The following CFAP74 variants were observed in gnomAD, a reference collection of about 807,000 sequenced individuals.
CFAP74 encodes cilia and flagella associated protein 74.
Under a neutral mutation model 188.9 loss-of-function variants are expected in CFAP74, and 124 were observed. The ratio of observed to expected loss-of-function variants is 0.66; its 90% CI spans 0.57 to 0.76. The LOEUF is 0.76. CFAP74 is among the 30% of genes least tolerant of loss of function. CFAP74 has a pLI of 0.00. For missense variants in CFAP74, 2,198 were observed against 2,165.2 expected (o/e 1.02, Z -0.30); for synonymous variants, 956 against 916.7 (o/e 1.04, Z -0.77).
intron 22 of CFAP74, 28 bp downstream of exon 22, chr1:1,942,000 G>A: frequency 6.8e-7 from 1 of 1,470,718 alleles, no homozygotes; most frequent in South Asian, 1.4e-5. Context: ...ACGTCCTCCT[G>A]TCCCGGCCTT....
intron 18 of CFAP74, chr1:1,955,363 G>A: frequency 2.2e-6 from 3 of 1,341,566 alleles, no homozygotes; most frequent in Non-Finnish European, 2.9e-6. Flanking sequence ...CTAGACAGAA[G>A]CCCCCCGCAG....
rs1332414739 is a variant in CFAP74, at chr1:1,947,072, T to A, written c.2177-18A>T. 2.6e-6 allele frequency: 4 copies of A among 1,531,156 alleles called. No individual in the cohort carries two copies. The highest frequency in any genetic ancestry group is 2.0e-5 in the Admixed American group (1 of 50,984). 94.8% of individuals were successfully genotyped at this position (1,531,156 alleles called of 1,614,324 possible). On this transcript the variant is annotated intron_variant, in intron 18 of 38. Transcript: ENST00000682832. ...CTCTGGTTCTGGAAGAGAAGGGGGA[T>A]CCAGAGGTGAGGGTTGGCAGGGTGG...
Position 1,962,660 on chromosome 1 carries a change from G to A in CFAP74, c.1694+1089C>T, listed in dbSNP as rs576234046. ...AGCACTTGGGGAGGCTGAGGCAGGTGGATCACTTGAGCTCAGGAGTTTGAG... is the reference window on the plus strand; with the variant it reads ...AGCACTTGGGGAGGCTGAGGCAGGTAGATCACTTGAGCTCAGGAGTTTGAG... On this transcript the variant is annotated intron_variant, in intron 14 of 38. Transcript: ENST00000682832. 2.2e-4 allele frequency among the ~76,000 whole-genome samples: 34 copies of A among 152,200 alleles called. 1 individual carries two copies. The highest frequency in any genetic ancestry group is 4.0e-4 in the Non-Finnish European group (27 of 68,006).
chr1:1,948,377 A>ATCCTCCCGGCTCAGCAT (rs1558014120), intron 18 of CFAP74, among the ~76,000 whole-genome samples: 3 of 149,792 alleles, frequency 2.0e-5, no homozygotes, highest in African/African-American at 7.5e-5. Flanking sequence ...GTTTCAAGTG[A>ATCCTCCCGGCTCAGCAT]CCACAGATGC....
At chr1:1,937,663 C>T (rs1476510460) in intron 25 of CFAP74, among the ~76,000 whole-genome samples, 1 of 152,180 alleles carries the variant, frequency 6.6e-6, no homozygotes, top group East Asian at 1.9e-4. Flanking sequence ...TGCCCCAGAA[C>T]ACATCCCTGG....
Position 1,951,603 on chromosome 1 carries a change from T to G in CFAP74, c.2176+4088A>C, listed in dbSNP as rs74046248. On this transcript the variant is annotated intron_variant, in intron 18 of 38. Transcript: ENST00000682832. ...TCCTTGAAATTTGTTTTTTCAAAAT[T>G]GTTTTGGTCACTCTAGGTCCTCTGG... Among the ~76,000 whole-genome samples, 786 of 152,354 alleles carry G rather than the reference T, an allele frequency of 5.2e-3. 12 individuals are homozygous for G. The highest frequency in any genetic ancestry group is 0.018 in the African/African-American group (742 of 41,590).
chr1:1,995,264 C>T lies in CFAP74; in HGVS notation c.-19-4289G>A, dbSNP rs150728148. Reference sequence around the variant, plus strand: ...CTGTAATCCCAGCACTTTGGGAAGCCGAGGTGGGCGGATCACTTAAGGTTT... The same window carrying T: ...CTGTAATCCCAGCACTTTGGGAAGCTGAGGTGGGCGGATCACTTAAGGTTT... On this transcript the variant is annotated intron_variant, in intron 1 of 38. Transcript: ENST00000682832. Among the ~76,000 whole-genome samples, 1,059 of 151,766 alleles carry T rather than the reference C, an allele frequency of 7.0e-3. 16 individuals carry two copies. Among genetic ancestry groups the T allele is most frequent in the African/African-American group, 0.024 (1,012 of 41,382 alleles).
intron 25 of CFAP74, among the ~76,000 whole-genome samples, chr1:1,930,740 A>G (rs962807398): frequency 6.6e-5 from 10 of 152,196 alleles, no homozygotes; most frequent in Non-Finnish European, 1.5e-4. Flanking sequence ...ATTTAATCAC[A>G]AGTTTAGATA....
At chr1:1,946,188 C>T (rs1227630735) in intron 20 of CFAP74, 129 bp downstream of exon 20, 1 of 1,160,748 alleles carries the variant, frequency 8.6e-7, no homozygotes, top group East Asian at 2.6e-5. Context: ...GTGGTGCCAA[C>T]CATCCGTGCC....
intron 33 of CFAP74, 143 bp downstream of exon 33, chr1:1,925,640 G>T: frequency 1.2e-6 from 1 of 832,544 alleles, no homozygotes; most frequent in Non-Finnish European, 1.8e-6. Context: ...CGGCAGCTGT[G>T]TAGAGGAGGG....
chr1:1,949,060 C>CT (rs1394129127), intron 18 of CFAP74, among the ~76,000 whole-genome samples: 1 of 116,164 alleles, frequency 8.6e-6, no homozygotes, highest in African/African-American at 3.3e-5. Flanking sequence ...CCTTTCCTTC[C>CT]TTCCTTCCTT....
chr1:1,981,874 G>A (rs866578517), intron 6 of CFAP74, among the ~76,000 whole-genome samples: 11 of 64,918 alleles, frequency 1.7e-4, no homozygotes, highest in South Asian at 1.2e-3. Flanking sequence ...AGACACGGGG[G>A]CACGCAGGAC....
At chr1:1,971,513 G>A (rs1199304814) in intron 9 of CFAP74, among the ~76,000 whole-genome samples, 2 of 152,284 alleles carry the variant, frequency 1.3e-5, no homozygotes, top group African/African-American at 4.8e-5. Context: ...GATCCTGTGA[G>A]AGACCACTGG....
intron 32 of CFAP74, 107 bp from the exon 33 acceptor site, chr1:1,926,045 G>A (rs891119582): frequency 7.1e-7 from 1 of 1,406,262 alleles, no homozygotes; most frequent in East Asian, 2.5e-5. Flanking sequence ...AGACAGCTCT[G>A]GGGGGGCTCT....
Position 1,975,917 on chromosome 1 carries a change from A to G in CFAP74, c.501-1719T>C, listed in dbSNP as rs114956597. Among the ~76,000 whole-genome samples, 140 of 152,230 alleles carry G rather than the reference A, an allele frequency of 9.2e-4. No homozygotes were observed. Among genetic ancestry groups the G allele is most frequent in the African/African-American group, 3.2e-3 (135 of 41,540 alleles). Reference sequence around the variant, plus strand: ...GCTGTCCCAGATGCTGTCGTCGCCCATTCCTGCTGCTGTAGGAAAACACCC... The same window carrying G: ...GCTGTCCCAGATGCTGTCGTCGCCCGTTCCTGCTGCTGTAGGAAAACACCC... On this transcript the variant is annotated intron_variant, in intron 6 of 38. Coordinates refer to ENST00000682832, the MANE Select transcript of CFAP74 (RefSeq NM_001304360.2). The surrounding 1 kb of genome is among the most constrained non-coding windows in gnomAD (Gnocchi z 4.5).
chr1:1,966,039 G>A (rs746803295), intron 12 of CFAP74, among the ~76,000 whole-genome samples: 13 of 152,240 alleles, frequency 8.5e-5, no homozygotes, highest in African/African-American at 2.4e-4. Flanking sequence ...AATAGTACAC[G>A]GAGTAGCTCA....
chr1:1,938,421 T>A (rs1359947623), intron 25 of CFAP74, among the ~76,000 whole-genome samples: 1 of 150,922 alleles, frequency 6.6e-6, no homozygotes, highest in Non-Finnish European at 1.5e-5. Flanking sequence ...CTCACATACC[T>A]GCACTCACAC....
At chr1:1,993,150 G>A (rs1249863545) in intron 1 of CFAP74, among the ~76,000 whole-genome samples, 11 of 142,714 alleles carry the variant, frequency 7.7e-5, no homozygotes, top group African/African-American at 1.1e-4. Context: ...GCAGTGAGCC[G>A]AGATCACGCC....
chr1:1,962,336 C>T (rs540766942), intron 14 of CFAP74, among the ~76,000 whole-genome samples: 14 of 151,852 alleles, frequency 9.2e-5, no homozygotes, highest in African/African-American at 9.7e-5. Flanking sequence ...ATTAACCGGA[C>T]GTGGTGGCAG....
Sources: gnomAD v4.1 joint callset for allele counts (sites outside exome capture counted in the v4.1 genomes callset) on GRCh38, gnomAD v4.1.1 for gene constraint, Gnocchi (gnomAD v3.1) non-coding constraint, MANE v1.5 for transcripts, NCBI Gene and HGNC (gene_info 2026-07-23, HGNC 2026-07-21) for gene names.